The following COL5A2 variants were observed in gnomAD, a reference collection of about 807,000 sequenced individuals.
COL5A2 encodes the protein collagen alpha-2(V) chain.
COL5A2 carries 23 observed loss-of-function variants against 208.2 expected under a neutral mutation model. The observed-to-expected ratio is 0.11, with a 90% CI of 0.08 to 0.16. The LOEUF is 0.16. Ranked by LOEUF, COL5A2 falls within the 10% of genes least tolerant of loss-of-function variation. The probability of loss-of-function intolerance (pLI) is 1.00; values close to 1 mark genes in which losing one functional copy is unlikely to be tolerated. For synonymous variants in COL5A2, 625 were observed against 628.5 expected (o/e 0.99, Z 0.08); for missense variants, 1,590 against 1,956.4 (o/e 0.81, Z 3.53).
At chr2:189,317,126 G>A in the COL5A2 span, among the ~76,000 whole-genome samples, 1 of 152,026 alleles carries the variant, frequency 6.6e-6, no homozygotes, top group Non-Finnish European at 1.5e-5. Flanking sequence ...GAAAACTTAT[G>A]AAGTCATTTC....
the COL5A2 span, among the ~76,000 whole-genome samples, chr2:189,308,054 C>T: frequency 6.6e-6 from 1 of 152,104 alleles, no homozygotes; most frequent in Non-Finnish European, 1.5e-5. Flanking sequence ...GATCCAAGAA[C>T]TCTCTCTTGG....
intron 44 of COL5A2, among the ~76,000 whole-genome samples, 166 bp from the exon 45 acceptor site, chr2:189,048,428 T>C: frequency 6.6e-6 from 1 of 152,270 alleles, no homozygotes; most frequent in East Asian, 1.9e-4. Context: ...TTTTTCATTA[T>C]TTTGAATTAC....
chr2:189,160,565 C>T (rs1688339642), intron 1 of COL5A2, among the ~76,000 whole-genome samples: 1 of 152,098 alleles, frequency 6.6e-6, no homozygotes. Context: ...AGCTCTTCTT[C>T]CCTTTACAAT....
chr2:189,227,429 G>A (rs189395615), upstream of COL5A2, among the ~76,000 whole-genome samples: 3 of 152,112 alleles, frequency 2.0e-5, no homozygotes, highest in Non-Finnish European at 2.9e-5. Flanking sequence ...ATACAAAGTG[G>A]CTGAATAGAT....
intron 10 of COL5A2, 82 bp downstream of exon 10, chr2:189,085,637 G>C (rs1686641262): frequency 2.5e-6 from 3 of 1,189,514 alleles, no homozygotes; most frequent in Admixed American, 1.7e-5. Flanking sequence ...GAGGACCTGG[G>C]AAGATAAATA....
At chr2:189,315,906 C>A in the COL5A2 span, among the ~76,000 whole-genome samples, 3 of 152,082 alleles carry the variant, frequency 2.0e-5, no homozygotes, top group African/African-American at 7.2e-5. Flanking sequence ...TACCATCTTA[C>A]ACCAGTCAGA....
chr2:189,294,708 A>C, the COL5A2 span, among the ~76,000 whole-genome samples: 1 of 152,222 alleles, frequency 6.6e-6, no homozygotes, highest in East Asian at 1.9e-4. Flanking sequence ...TATTGCAATT[A>C]TGTTTTCATT....
At chr2:189,267,414 T>C in the COL5A2 span, among the ~76,000 whole-genome samples, 1 of 152,124 alleles carries the variant, frequency 6.6e-6, no homozygotes, top group Non-Finnish European at 1.5e-5. Flanking sequence ...TTATTAAAAA[T>C]ACAATCACAA....
chr2:189,362,129 T>C, the COL5A2 span, among the ~76,000 whole-genome samples: 4 of 152,244 alleles, frequency 2.6e-5, no homozygotes, highest in East Asian at 7.7e-4. Context: ...TAGGCCAGGA[T>C]GCATAGAATA....
chr2:189,189,853 A>C (rs927121733), intron 1 of COL5A2, among the ~76,000 whole-genome samples: 2 of 152,214 alleles, frequency 1.3e-5, no homozygotes, highest in Non-Finnish European at 2.9e-5. Flanking sequence ...CAAGTTTTTC[A>C]GTGTCCTAAA....
At position 189,056,657 on chromosome 2, in the gene COL5A2, G is replaced by C. The variant is rs1685907370; in HGVS notation, c.2391+316C>G. 4.9e-5 allele frequency: 20 copies of C among 406,458 alleles called. 1 individual carries two copies. The highest frequency in any genetic ancestry group is 4.8e-4 in the South Asian group (20 of 41,578). The allele number at this position is 406,458 out of a possible 1,614,324, so 25.2% of individuals were successfully genotyped here. A position where few individuals can be genotyped will look rare whatever the true frequency, so the allele number is the denominator to read the frequency against. ...GAATGAAGTATTGGCCAGCTCACTA[G>C]ATTAGCATTTTAACAGAAATAAACC... On this transcript the variant is annotated intron_variant, in intron 35 of 53. Coordinates refer to ENST00000374866, the MANE Select transcript of COL5A2 (RefSeq NM_000393.5).
intron 1 of COL5A2, among the ~76,000 whole-genome samples, chr2:189,132,167 C>T (rs900077211): frequency 3.9e-5 from 6 of 152,122 alleles, no homozygotes; most frequent in South Asian, 4.1e-4. Context: ...AGAATAGCCA[C>T]GTTTTGCATC....
chr2:189,042,193 T>G (rs1685575406), intron 49 of COL5A2, among the ~76,000 whole-genome samples: 1 of 152,184 alleles, frequency 6.6e-6, no homozygotes, highest in South Asian at 2.1e-4. Context: ...CCTAAATAAT[T>G]ATGTCCACCA....
chr2:189,103,136 A>G (rs919056455), intron 3 of COL5A2, among the ~76,000 whole-genome samples: 9 of 152,068 alleles, frequency 5.9e-5, no homozygotes, highest in African/African-American at 2.2e-4. Flanking sequence ...GCATCCATGC[A>G]TCCATCCATC....
intron 1 of COL5A2, among the ~76,000 whole-genome samples, chr2:189,143,010 T>C (rs1687965393): frequency 6.6e-6 from 1 of 152,194 alleles, no homozygotes; most frequent in Non-Finnish European, 1.5e-5. Context: ...TTGTTCGATC[T>C]CTCTCCTAAT....
chr2:189,142,153 T>C (rs1333286333), intron 1 of COL5A2, among the ~76,000 whole-genome samples: 1 of 152,126 alleles, frequency 6.6e-6, no homozygotes, highest in Non-Finnish European at 1.5e-5. Flanking sequence ...TTTCATGTTA[T>C]GATTGACAAT....
the COL5A2 span, among the ~76,000 whole-genome samples, chr2:189,397,360 A>C: frequency 6.6e-6 from 1 of 152,214 alleles, no homozygotes; most frequent in Non-Finnish European, 1.5e-5. Flanking sequence ...GAATAAACAT[A>C]AGCAATGTAG....
intron 1 of COL5A2, among the ~76,000 whole-genome samples, chr2:189,204,122 C>T (rs1303384084): frequency 6.6e-6 from 1 of 152,184 alleles, no homozygotes; most frequent in Admixed American, 6.5e-5. Context: ...TGGTCTCGAT[C>T]TCCTGACCTT....
intron 2 of COL5A2, among the ~76,000 whole-genome samples, chr2:189,107,226 T>C (rs1687168626): frequency 6.6e-6 from 1 of 151,626 alleles, no homozygotes; most frequent in Non-Finnish European, 1.5e-5. Flanking sequence ...ATCTAGCTGC[T>C]TTGCAAATTT....
Sources: allele counts gnomAD v4.1 joint callset (sites outside exome capture counted in the v4.1 genomes callset), GRCh38; gene constraint gnomAD v4.1.1; transcripts MANE v1.5; gene names NCBI Gene and HGNC (gene_info 2026-07-23, HGNC 2026-07-21).